Variants in ACBD6 observed in about 807,000 individuals in gnomAD.
ACBD6 encodes the protein acyl-CoA-binding domain-containing protein 6.
A neutral mutation model predicts 37.2 loss-of-function variants in ACBD6; 28 were observed. The ratio of observed to expected loss-of-function variants is 0.75; its 90% CI spans 0.56 to 1.03. The LOEUF (loss-of-function observed/expected upper bound fraction) is 1.03. Ranked by LOEUF, ACBD6 falls within the 50% of genes least tolerant of loss-of-function variation. The pLI, the probability that ACBD6 is intolerant of heterozygous loss-of-function variation, is 0.00. For missense variants in ACBD6, 340 were observed against 337.4 expected (o/e 1.01, Z -0.06); for synonymous variants, 113 against 126.8 (o/e 0.89, Z 0.73).
chr1:180,354,587 GC>G (rs1652549936), intron 6 of ACBD6, among the ~76,000 whole-genome samples: 1 of 152,024 alleles, frequency 6.6e-6, no homozygotes, highest in African/African-American at 2.4e-5. Context: ...TTTATTTAGG[GC>G]CCCGATAAAG....
At chr1:180,434,966 A>T (rs1648962804) in intron 3 of ACBD6, 5 of 832,998 alleles carry the variant, frequency 6.0e-6, no homozygotes, top group Non-Finnish European at 1.1e-5. Context: ...GCAGTCTGTA[A>T]ACCAAGTACA....
intron 6 of ACBD6, among the ~76,000 whole-genome samples, chr1:180,387,525 C>G (rs1196240929): frequency 6.6e-6 from 1 of 152,194 alleles, no homozygotes; most frequent in Non-Finnish European, 1.5e-5. Context: ...TCTGGCACCA[C>G]CCTGGTGAGG....
chr1:180,450,856 A>G (rs1376365330), intron 3 of ACBD6, among the ~76,000 whole-genome samples: 1 of 152,222 alleles, frequency 6.6e-6, no homozygotes, highest in Non-Finnish European at 1.5e-5. Context: ...ATAACAGAGT[A>G]GAAAACAATA....
In ACBD6 at chr1:180,288,291, T is replaced by A. The variant is rs1649568565; in HGVS notation, c.*72A>T. The A allele has an allele frequency of 1.3e-6, 2 of 1,597,694 alleles. No individual in the cohort carries two copies. The highest frequency in any genetic ancestry group is 3.4e-5 in the Admixed American group (2 of 59,616). On this transcript the variant is annotated 3_prime_UTR_variant, in exon 8 of 8. Coordinates refer to ENST00000367595, the MANE Select transcript of ACBD6 (RefSeq NM_032360.4). Reference sequence around the variant, plus strand: ...ATACCAAAGACGGGTGGAAAAGAAGTATTATTTTTGTAGTTTTCTTTCATA... The same window carrying A: ...ATACCAAAGACGGGTGGAAAAGAAGAATTATTTTTGTAGTTTTCTTTCATA...
intron 5 of ACBD6, 136 bp downstream of exon 5, chr1:180,413,230 C>G (rs1305023800): frequency 2.8e-6 from 2 of 707,910 alleles, no homozygotes; most frequent in African/African-American, 1.8e-5. Flanking sequence ...GTAACACCAT[C>G]TCATTTAGAT....
chr1:180,271,996 G>C (rs1389219195), intron 13 of ACBD6: 3 of 1,612,404 alleles, frequency 1.9e-6, no homozygotes, highest in Non-Finnish European at 2.5e-6. Context: ...ACAGTGAGCT[G>C]AGCTTCCGAG....
At chr1:180,393,615 A>G (rs1376615567) in intron 6 of ACBD6, among the ~76,000 whole-genome samples, 1 of 152,210 alleles carries the variant, frequency 6.6e-6, no homozygotes, top group Non-Finnish European at 1.5e-5. Flanking sequence ...TGTATTGTCT[A>G]TATTTGAAAA....
chr1:180,473,170 G>A (rs534457761), intron 3 of ACBD6, among the ~76,000 whole-genome samples: 15 of 152,242 alleles, frequency 9.9e-5, no homozygotes, highest in African/African-American at 1.7e-4. Flanking sequence ...TACACGGGCC[G>A]GGCACGGTGG....
chr1:180,347,088 A>G (rs1652212806), intron 6 of ACBD6, among the ~76,000 whole-genome samples: 1 of 152,120 alleles, frequency 6.6e-6, no homozygotes, highest in Non-Finnish European at 1.5e-5. Context: ...ACCCAAACTA[A>G]TACAGAGCTA....
At chr1:180,320,625 C>T (rs993920833) in intron 6 of ACBD6, among the ~76,000 whole-genome samples, 5 of 151,784 alleles carry the variant, frequency 3.3e-5, no homozygotes, top group African/African-American at 9.7e-5. Context: ...GGTGACAGAG[C>T]GAGATCCTGT....
chr1:180,280,927 T>C (rs1193636398), intron 9 of ACBD6, among the ~76,000 whole-genome samples: 1 of 152,190 alleles, frequency 6.6e-6, no homozygotes, highest in Non-Finnish European at 1.5e-5. Flanking sequence ...CTATATACCA[T>C]GTTTTTGGGT....
chr1:180,357,253 G>A (rs1344934530), intron 6 of ACBD6, among the ~76,000 whole-genome samples: 5 of 152,142 alleles, frequency 3.3e-5, no homozygotes, highest in East Asian at 3.8e-4. Flanking sequence ...GCTATATTTC[G>A]TGGATAAGGA....
chr1:180,395,488 A>G (rs1228867281), intron 6 of ACBD6, among the ~76,000 whole-genome samples: 1 of 152,044 alleles, frequency 6.6e-6, no homozygotes, highest in Non-Finnish European at 1.5e-5. Context: ...TTTTATTTTT[A>G]GCTTTTTCCA....
chr1:180,286,369 T>C (rs993056211), downstream of ACBD6, among the ~76,000 whole-genome samples: 4 of 152,172 alleles, frequency 2.6e-5, no homozygotes, highest in African/African-American at 4.8e-5. Flanking sequence ...CTAAGAAATA[T>C]CAAGTTCGAA....
chr1:180,310,513 A>G (rs1000744498), intron 7 of ACBD6, among the ~76,000 whole-genome samples: 1 of 152,240 alleles, frequency 6.6e-6, no homozygotes, highest in Non-Finnish European at 1.5e-5. Context: ...GTATGTGCAT[A>G]TATGTATATA....
At chr1:180,483,084 C>T (rs1203621393) in intron 3 of ACBD6, among the ~76,000 whole-genome samples, 2 of 152,112 alleles carry the variant, frequency 1.3e-5, no homozygotes, top group Non-Finnish European at 2.9e-5. Flanking sequence ...TTACCATGTG[C>T]CCAACTCTGC....
rs573079181 is a variant in ACBD6 at position 180,461,651 on chromosome 1, A to C, written c.384+30618T>G. Reference sequence around the variant, plus strand: ...AACTAATTCCAACCTAGAATTTCATATCCAACCAAACTAAGCTTCATAAGC... The same window carrying C: ...AACTAATTCCAACCTAGAATTTCATCTCCAACCAAACTAAGCTTCATAAGC... On this transcript the variant is annotated intron_variant, in intron 3 of 7. Transcript: ENST00000367595. Among the ~76,000 whole-genome samples the C allele has an allele frequency of 3.3e-5, 5 of 152,316 alleles. No homozygotes were observed. In the South Asian group the frequency reaches 8.3e-4, roughly 25 times the overall value.
At chr1:180,352,239 G>A (rs770504183) in intron 6 of ACBD6, among the ~76,000 whole-genome samples, 6 of 152,138 alleles carry the variant, frequency 3.9e-5, no homozygotes, top group Non-Finnish European at 5.9e-5. Context: ...GCACAACAAT[G>A]TGAATGGATG....
intron 6 of ACBD6, among the ~76,000 whole-genome samples, chr1:180,388,590 AAC>A (rs1159242663): frequency 8.1e-6 from 1 of 123,686 alleles, no homozygotes; most frequent in African/African-American, 3.0e-5. Flanking sequence ...CAGATCAATA[AAC>A]ACAGATCAAT....
Sources: allele counts gnomAD v4.1 joint callset (sites outside exome capture counted in the v4.1 genomes callset), GRCh38; gene constraint gnomAD v4.1.1; transcripts MANE v1.5; gene names NCBI Gene and HGNC (gene_info 2026-07-23, HGNC 2026-07-21).